CD53: variants seen among roughly 807,000 people sequenced by gnomAD.
The protein encoded by CD53 is leukocyte surface antigen CD53.
CD53 carries 20 observed loss-of-function variants against 27.3 expected under a neutral mutation model. The observed-to-expected ratio is 0.73, with a 90% CI of 0.52 to 1.07. The LOEUF is 1.07. Among genes scored for constraint, CD53 ranks in the 50% least tolerant of loss-of-function variants. The probability of loss-of-function intolerance (pLI) is 0.00; values close to 1 mark genes in which losing one functional copy is unlikely to be tolerated. For synonymous variants in CD53, 106 were observed against 105.3 expected (o/e 1.01, Z -0.04); for missense variants, 216 against 264.0 (o/e 0.82, Z 1.26).
intron 1 of CD53, among the ~76,000 whole-genome samples, chr1:110,875,160 C>A (rs1366706792): frequency 2.6e-5 from 4 of 152,110 alleles, no homozygotes; most frequent in Non-Finnish European, 5.9e-5. Flanking sequence ...ACCAAGGGTG[C>A]TGTATATTCA....
chr1:110,892,080 G>T (rs2101060107), intron 2 of CD53, among the ~76,000 whole-genome samples: 1 of 152,320 alleles, frequency 6.6e-6, no homozygotes, highest in East Asian at 1.9e-4. Context: ...CCTATATATG[G>T]TGAAGATACT....
At chr1:110,872,807 A>C (rs1656004317), upstream of CD53, among the ~76,000 whole-genome samples, 1 of 152,172 alleles carries the variant, frequency 6.6e-6, no homozygotes, top group African/African-American at 2.4e-5. Context: ...TGGTGGGGCC[A>C]GGCATACTTC....
chr1:110,873,884 G>A (rs1361695284), intron 1 of CD53, among the ~76,000 whole-genome samples: 2 of 152,172 alleles, frequency 1.3e-5, no homozygotes, highest in Non-Finnish European at 2.9e-5. Context: ...GGGATCCTCA[G>A]CATTTCCCCA....
chr1:110,885,388 A>G (rs1235291030), intron 1 of CD53, among the ~76,000 whole-genome samples: 2 of 152,104 alleles, frequency 1.3e-5, no homozygotes, highest in African/African-American at 2.4e-5. Context: ...AATACAAAAA[A>G]TTAGCTGGAC....
chr1:110,872,178 A>C (rs1475125536), upstream of CD53, among the ~76,000 whole-genome samples: 2 of 152,224 alleles, frequency 1.3e-5, no homozygotes, highest in African/African-American at 4.8e-5. Flanking sequence ...GGGTTGTCAC[A>C]TACTCCTTTG....
At chr1:110,883,046 T>C (rs1446142684) in intron 1 of CD53, among the ~76,000 whole-genome samples, 1 of 152,012 alleles carries the variant, frequency 6.6e-6, no homozygotes, top group African/African-American at 2.4e-5. Flanking sequence ...TTGGATGCCA[T>C]TCTTTTCATA....
At chr1:110,892,753 A>T (rs897932356) in intron 3 of CD53, 7 of 478,818 alleles carry the variant, frequency 1.5e-5, no homozygotes, top group Non-Finnish European at 2.6e-5. Context: ...CCTTGTAGCC[A>T]TTTTTATATT....
At position 110,896,750 on chromosome 1, in the gene CD53, T is replaced by C. The variant is rs1353392744; in HGVS notation, c.504+17T>C. On this transcript the variant is annotated intron_variant, in intron 6 of 7. Transcript: ENST00000271324. Reference sequence around the variant, plus strand: ...AAAGTGGAGGTAATTTTGTCGGCAATGTTTCTGTTATTGACCTCTTTGTTT... The same window carrying C: ...AAAGTGGAGGTAATTTTGTCGGCAACGTTTCTGTTATTGACCTCTTTGTTT... 2.5e-6 allele frequency: 4 copies of C among 1,607,144 alleles called. No individual in the cohort carries two copies. The highest frequency in any genetic ancestry group is 2.7e-5 in the African/African-American group (2 of 74,752).
intron 1 of CD53, among the ~76,000 whole-genome samples, chr1:110,883,963 C>T (rs898383826): frequency 1.3e-5 from 2 of 151,898 alleles, no homozygotes; most frequent in Non-Finnish European, 2.9e-5. Flanking sequence ...TATCAGTCTT[C>T]TAAAAGAGCC....
At chr1:110,872,578 CT>C (rs773910692), upstream of CD53, among the ~76,000 whole-genome samples, 5 of 152,180 alleles carry the variant, frequency 3.3e-5, no homozygotes, top group African/African-American at 4.8e-5. Context: ...GGGATTATGC[CT>C]TGGGGACTCA....
chr1:110,882,984 A>C (rs1208755213), intron 1 of CD53, among the ~76,000 whole-genome samples: 5 of 152,028 alleles, frequency 3.3e-5, no homozygotes, highest in African/African-American at 1.2e-4. Context: ...TTCTACAAAG[A>C]CATTCATGAT....
rs11390194 is a variant in CD53, at chr1:110,898,379, G to GAAA, written c.588+502_588+504dup. Reference sequence around the variant, plus strand: ...GCGACAGAGCGAGACTCTGTCTCCAGAAAAAAAAAAAAAAAAAGAACATCT... The same window carrying GAAA: ...GCGACAGAGCGAGACTCTGTCTCCAGAAAAAAAAAAAAAAAAAAAAGAACATCT... On this transcript the variant is annotated intron_variant, in intron 7 of 7. Transcript: ENST00000271324. Among the ~76,000 whole-genome samples the GAAA allele has an allele frequency of 7.3e-3, 840 of 115,598 alleles. 18 individuals carry two copies. The highest frequency in any genetic ancestry group is 0.019 in the African/African-American group (544 of 28,306). The allele number at this position is 115,598 out of a possible 152,430, so 75.8% of individuals were successfully genotyped here.
intron 1 of CD53, among the ~76,000 whole-genome samples, chr1:110,887,126 C>G (rs543844098): frequency 4.6e-4 from 69 of 151,598 alleles, no homozygotes; most frequent in Non-Finnish European, 8.7e-4. Context: ...TGCAGTGGCG[C>G]GATCTCGGCT....
At chr1:110,895,271 GA>G (rs1200060668) in intron 5 of CD53, among the ~76,000 whole-genome samples, 4 of 152,142 alleles carry the variant, frequency 2.6e-5, no homozygotes, top group African/African-American at 4.8e-5. Flanking sequence ...TTTCTAACAT[GA>G]ATAGGTTTAT....
chr1:110,888,621 A>G (rs552122588), intron 1 of CD53, among the ~76,000 whole-genome samples: 62 of 152,346 alleles, frequency 4.1e-4, no homozygotes, highest in African/African-American at 1.5e-3. Flanking sequence ...ATATGATTTT[A>G]TATTTTTACG....
At chr1:110,893,163 C>T (rs1236932943) in intron 3 of CD53, among the ~76,000 whole-genome samples, 1 of 152,250 alleles carries the variant, frequency 6.6e-6, no homozygotes, top group Non-Finnish European at 1.5e-5. Context: ...CTGAGCTCTA[C>T]ATTTCTGTAG....
At chr1:110,878,191 G>A (rs1017328106) in intron 1 of CD53, among the ~76,000 whole-genome samples, 2 of 152,212 alleles carry the variant, frequency 1.3e-5, no homozygotes, top group African/African-American at 4.8e-5. Context: ...GAGGAACTTA[G>A]TTATTTTGTG....
intron 1 of CD53, among the ~76,000 whole-genome samples, chr1:110,882,005 C>T (rs947561895): frequency 6.6e-6 from 1 of 152,110 alleles, no homozygotes; most frequent in South Asian, 2.1e-4. Context: ...TGTTTTTATA[C>T]TCTGGATACA....
In CD53 at chr1:110,896,639, G is replaced by A. The variant is rs752000717; in HGVS notation, c.424-14G>A. ...ACTTTCTAACCATCATCATTTTGGG[G>A]GTTTGGCTTTTAGCTGCAGTGTTGT... is the stretch of plus-strand genomic sequence containing the variant. On this transcript the variant is annotated splice_polypyrimidine_tract_variant and intron_variant, in intron 5 of 7. Coordinates refer to ENST00000271324, the MANE Select transcript of CD53 (RefSeq NM_000560.4). The A allele has an allele frequency of 3.4e-5, 55 of 1,610,422 alleles. No individual in the cohort carries two copies. The highest frequency in any genetic ancestry group is 1.6e-4 in the Middle Eastern group (1 of 6,076).
Sources: gnomAD v4.1 joint callset for allele counts (sites outside exome capture counted in the v4.1 genomes callset) on GRCh38, gnomAD v4.1.1 for gene constraint, MANE v1.5 for transcripts, NCBI Gene and HGNC (gene_info 2026-07-23, HGNC 2026-07-21) for gene names.